Variants in EXD3 observed in about 807,000 individuals in gnomAD.
EXD3 encodes exonuclease 3'-5' domain containing 3.
EXD3 carries 92 observed loss-of-function variants against 98.0 expected under a neutral mutation model. The ratio of observed to expected loss-of-function variants is 0.94; its 90% CI spans 0.79 to 1.12. EXD3 has a LOEUF of 1.12. Ranked by LOEUF, EXD3 falls within the 50% of genes most tolerant of loss-of-function variation. The pLI, the probability that EXD3 is intolerant of heterozygous loss-of-function variation, is 0.00. For synonymous variants in EXD3, 569 were observed against 526.0 expected, an observed-to-expected ratio of 1.08 and a Z score of -1.12; for missense variants, 1,222 against 1,191.6, an observed-to-expected ratio of 1.03 and a Z score of -0.38.
At chr9:137,319,647 G>A (rs1831919222) in intron 19 of EXD3, among the ~76,000 whole-genome samples, 1 of 152,214 alleles carries the variant, frequency 6.6e-6, no homozygotes, top group African/African-American at 2.4e-5. Flanking sequence ...GGACTCCAGA[G>A]CCAAGGAGGC....
At chr9:137,376,625 G>A (rs929783978) in intron 3 of EXD3, among the ~76,000 whole-genome samples, 3 of 151,880 alleles carry the variant, frequency 2.0e-5, no homozygotes, top group Non-Finnish European at 2.9e-5. Flanking sequence ...GCTTCCTCCC[G>A]ACCTTTTAAA....
intron 9 of EXD3, 80 bp downstream of exon 9, chr9:137,354,620 T>C (rs1453122778): frequency 3.1e-6 from 5 of 1,588,388 alleles, no homozygotes; most frequent in Non-Finnish European, 2.6e-6. Flanking sequence ...CACCCTGCAG[T>C]GCGCAGTGAG....
At chr9:137,327,872 TAAAAACAATGAATAAACACCCAC>T (rs1832537247) in intron 17 of EXD3, among the ~76,000 whole-genome samples, 1 of 132,532 alleles carries the variant, frequency 7.5e-6, no homozygotes. Flanking sequence ...ACATGATGAA[TAAAAACAATGAATAAACACCCAC>T]ATGATGAGTA....
intron 19 of EXD3, among the ~76,000 whole-genome samples, chr9:137,314,914 G>A (rs1831563299): frequency 6.6e-6 from 1 of 152,342 alleles, no homozygotes; most frequent in South Asian, 2.1e-4. Flanking sequence ...CGTGCGCGGG[G>A]AGACGTCTCT....
At chr9:137,411,136 C>T (rs888824831) in intron 1 of EXD3, among the ~76,000 whole-genome samples, 1 of 152,174 alleles carries the variant, frequency 6.6e-6, no homozygotes, top group Non-Finnish European at 1.5e-5. Context: ...GCTGAGGCCC[C>T]GAGGCCGGCC....
Position 137,395,227 on chromosome 9 carries a change from C to G in EXD3, c.55+76G>C. ...TCGTCACTGAGTACACAGTGGGCGC[C>G]ACCACCCCCCATGCACACCCACGCA... On this transcript the variant is annotated intron_variant, in intron 2 of 21. Transcript: ENST00000340951. The surrounding 1 kb of genome is among the most constrained non-coding windows in gnomAD (Gnocchi z 6.5). The G allele has an allele frequency of 2.2e-6, 3 of 1,345,624 alleles. No homozygotes were observed. Among genetic ancestry groups the G allele is most frequent in the Non-Finnish European group, 3.2e-6 (3 of 938,532 alleles). 83.4% of individuals were successfully genotyped at this position (1,345,624 alleles called of 1,614,324 possible).
chr9:137,397,550 A>T (rs1837275780), intron 1 of EXD3, among the ~76,000 whole-genome samples: 1 of 152,232 alleles, frequency 6.6e-6, no homozygotes, highest in Admixed American at 6.5e-5. Context: ...ACCCATAAAC[A>T]AGTGGAAAAA....
chr9:137,402,322 C>T (rs1837514978), intron 1 of EXD3, among the ~76,000 whole-genome samples: 1 of 152,154 alleles, frequency 6.6e-6, no homozygotes, highest in African/African-American at 2.4e-5. Flanking sequence ...TCCCAGAATG[C>T]TTTTAACAGC....
intron 17 of EXD3, among the ~76,000 whole-genome samples, chr9:137,333,301 C>G (rs775915809): frequency 6.6e-6 from 1 of 152,212 alleles, no homozygotes; most frequent in Non-Finnish European, 1.5e-5. Flanking sequence ...GGATCCACCA[C>G]TGGCTTCCTG....
intron 17 of EXD3, among the ~76,000 whole-genome samples, chr9:137,337,208 A>C (rs1833398915): frequency 6.6e-6 from 1 of 152,236 alleles, no homozygotes; most frequent in African/African-American, 2.4e-5. Context: ...TAAGAATTCT[A>C]ATAATAATAT....
intron 21 of EXD3, 105 bp downstream of exon 21, chr9:137,307,503 G>T: frequency 6.9e-7 from 1 of 1,441,924 alleles, no homozygotes; most frequent in Admixed American, 2.1e-5. Context: ...GCCCCACAGA[G>T]CCCCCTCTGC....
intron 17 of EXD3, among the ~76,000 whole-genome samples, chr9:137,326,079 A>C: frequency 8.7e-6 from 1 of 115,410 alleles, no homozygotes; most frequent in Non-Finnish European, 1.9e-5. Context: ...AACCTGTCTC[A>C]AAAAAAAAAA....
rs1438267803 is a variant in EXD3, at chr9:137,349,325, GA to G, written c.1657+43del. 7 of 1,551,974 alleles carry G rather than the reference GA, an allele frequency of 4.5e-6. No individual in the cohort carries two copies. In the African/African-American group the frequency reaches 9.5e-5, roughly 21 times the overall value. Reference sequence around the variant, plus strand: ...CTCAGCCTCCCGGGACAGAGGGCGGGAGGGGCGTGAGGAGGGGTCACTCCCA... The same window carrying G: ...CTCAGCCTCCCGGGACAGAGGGCGGGGGGGCGTGAGGAGGGGTCACTCCCA... On this transcript the variant is annotated intron_variant, in intron 15 of 21. Transcript: ENST00000340951. This position sits in a 1 kb window ranked among gnomAD's most constrained non-coding sequence, Gnocchi z 7.4.
chr9:137,346,472 C>T (rs1241282608), intron 17 of EXD3, among the ~76,000 whole-genome samples: 1 of 152,070 alleles, frequency 6.6e-6, no homozygotes, highest in Admixed American at 6.6e-5. Context: ...GACACCCTCA[C>T]ACTCTTGCCG....
At chr9:137,352,029 C>T (rs1175497521) in intron 12 of EXD3, 37 bp downstream of exon 12, 2 of 1,577,970 alleles carry the variant, frequency 1.3e-6, no homozygotes, top group African/African-American at 1.3e-5. Flanking sequence ...AGGGGGATCC[C>T]ACCACCGGGC....
chr9:137,406,144 A>G (rs1032333387), intron 1 of EXD3, among the ~76,000 whole-genome samples: 1 of 151,646 alleles, frequency 6.6e-6, no homozygotes, highest in Non-Finnish European at 1.5e-5. Context: ...TGAGCCCAGG[A>G]GGTCAAGGCT....
rs746627625 is a variant in EXD3, at chr9:137,354,714, T to C, written c.817A>G (p.Lys273Glu). The C allele has an allele frequency of 1.2e-4, 190 of 1,610,886 alleles. No homozygotes were observed. The highest frequency in any genetic ancestry group is 1.5e-4 in the Non-Finnish European group (174 of 1,179,692). The change falls in exon 9 of 22, where the codon AAG (lysine) becomes GAG (glutamate). Residue 273 changes from lysine (K) to glutamate (E), a missense_variant. Lys to Glu is a moderately conservative substitution (Grantham distance 56, BLOSUM62 1). Transcript: ENST00000340951. ...RLAALRHLCH[K>E]RFVEKSLSQE... ...TGCTCACGAACCTCCACAAACCGCT[T>C]GTGGCACAGGTGCCGCAGGGCCGCC...
chr9:137,350,289 G>A (rs1454059572), intron 14 of EXD3, among the ~76,000 whole-genome samples: 1 of 111,268 alleles, frequency 9.0e-6, no homozygotes, highest in Non-Finnish European at 1.9e-5. Context: ...TGGGGATTAC[G>A]GGGAGAGAGC....
intron 1 of EXD3, among the ~76,000 whole-genome samples, chr9:137,402,193 T>C (rs1436452112): frequency 6.6e-6 from 1 of 152,124 alleles, no homozygotes; most frequent in Admixed American, 6.6e-5. Context: ...TTTTTGTATT[T>C]TTAGTAGAGA....
Sources: allele counts gnomAD v4.1 joint callset (sites outside exome capture counted in the v4.1 genomes callset), GRCh38; gene constraint gnomAD v4.1.1; non-coding constraint Gnocchi (gnomAD v3.1); transcripts MANE v1.5; gene names NCBI Gene and HGNC (gene_info 2026-07-23, HGNC 2026-07-21).